ALG9: variants seen among roughly 807,000 people sequenced by gnomAD.
ALG9 encodes alpha-1,2-mannosyltransferase ALG9.
In ALG9, 55 loss-of-function variants were observed where a neutral mutation model predicts 81.8. That is an observed-to-expected ratio of 0.67 (90% CI 0.54 to 0.84). The LOEUF (loss-of-function observed/expected upper bound fraction) is 0.84. Ranked by LOEUF, ALG9 falls within the 40% of genes least tolerant of loss-of-function variation. The probability of loss-of-function intolerance (pLI) is 0.00; values close to 1 mark genes in which losing one functional copy is unlikely to be tolerated. For missense variants in ALG9, 629 were observed against 745.0 expected, an observed-to-expected ratio of 0.84 and a Z score of 1.81; for synonymous variants, 278 against 274.3, an observed-to-expected ratio of 1.01 and a Z score of -0.13.
At position 111,817,603 on chromosome 11, in the gene ALG9, C is replaced by A. The variant is rs190231762; in HGVS notation, c.1603-7830G>T. On this transcript the variant is annotated intron_variant, in intron 13 of 14. Coordinates refer to ENST00000616540, the MANE Select transcript of ALG9 (RefSeq NM_024740.2). The stretch of plus-strand genomic sequence containing the variant: ...AAGTAGCTGGGACAACAGGTGCACA[C>A]CACCACGCCTGGCTAATTTTTTTTG... 1,249 of 152,302 alleles carry A rather than the reference C, an allele frequency of 8.2e-3. 6 individuals are homozygous for A. Among genetic ancestry groups the A allele is most frequent in the Middle Eastern group, 0.051 (15 of 294 alleles). 9.4% of individuals were successfully genotyped at this position (152,302 alleles called of 1,614,324 possible). A position where few individuals can be genotyped will look rare whatever the true frequency, so the allele number is the denominator to read the frequency against.
chr11:111,777,433 G>C (rs1945733705), downstream of ALG9, among the ~76,000 whole-genome samples: 1 of 152,188 alleles, frequency 6.6e-6, no homozygotes, highest in African/African-American at 2.4e-5. Context: ...TTGCTGGAGG[G>C]AAAGGAGGGC....
chr11:111,871,109 A>G (rs879972133), intron 1 of ALG9: 9 of 1,237,628 alleles, frequency 7.3e-6, no homozygotes, highest in Admixed American at 4.5e-5. Context: ...GGCCTGGCCC[A>G]GGAGCATCAC....
At chr11:111,807,686 T>C (rs1353570481) in intron 14 of ALG9, among the ~76,000 whole-genome samples, 1 of 152,138 alleles carries the variant, frequency 6.6e-6, no homozygotes, top group African/African-American at 2.4e-5. Context: ...TCAAAAAAAT[T>C]TGTTAAGGGC....
chr11:111,856,976 G>A (rs779150787), intron 6 of ALG9, among the ~76,000 whole-genome samples: 3 of 152,084 alleles, frequency 2.0e-5, no homozygotes, highest in Non-Finnish European at 2.9e-5. Context: ...GTGTGGTGGC[G>A]CACGCCTGTA....
rs187329893 is a variant in ALG9, at chr11:111,791,980, G to A, written c.1734-5460C>T. On this transcript the variant is annotated intron_variant, in intron 14 of 14. Coordinates refer to ENST00000616540, the MANE Select transcript of ALG9 (RefSeq NM_024740.2). ...CGCCTGTAATCCCAATTATTTGGGA[G>A]GCTGAGGCAGGAGAATCGGTTGAAC... is the stretch of plus-strand genomic sequence containing the variant. Among the ~76,000 whole-genome samples, 385 of 152,332 alleles carry A rather than the reference G, an allele frequency of 2.5e-3. 3 individuals are homozygous for A. The highest frequency in any genetic ancestry group is 8.8e-3 in the African/African-American group (368 of 41,584).
chr11:111,798,082 A>C (rs1948568026), intron 14 of ALG9: 1 of 165,168 alleles, frequency 6.1e-6, no homozygotes, highest in Admixed American at 6.4e-5. Flanking sequence ...CCGTGCCTGC[A>C]GTCCCACCTA....
At chr11:111,871,186 T>C (rs782005862) in intron 1 of ALG9, 166 bp downstream of exon 1, 13 of 1,300,376 alleles carry the variant, frequency 1.0e-5, no homozygotes, top group African/African-American at 1.6e-5. Context: ...GACTGAATGC[T>C]GACCCGCCCA....
chr11:111,819,166 T>A (rs1261446952), intron 13 of ALG9, among the ~76,000 whole-genome samples: 3 of 152,254 alleles, frequency 2.0e-5, no homozygotes, highest in Non-Finnish European at 4.4e-5. Flanking sequence ...GAATGCCATG[T>A]GGGGACAAGG....
rs782272873 is a variant in ALG9, at chr11:111,782,891, C to T, written c.*3506G>A. On this transcript the variant is annotated 3_prime_UTR_variant, in exon 15 of 15. Coordinates refer to ENST00000616540, the MANE Select transcript of ALG9 (RefSeq NM_024740.2). The stretch of plus-strand genomic sequence containing the variant: ...TTAAAACAAAGGGTCTATTTCCAAA[C>T]TTGAATTCGGTAATAAAGAGTATGG... 1.3e-5 allele frequency: 2 copies of T among 152,152 alleles called. No homozygotes were observed. Among genetic ancestry groups the T allele is most frequent in the Non-Finnish European group, 2.9e-5 (2 of 68,026 alleles). The allele number at this position is 152,152 out of a possible 1,614,324, so 9.4% of individuals were successfully genotyped here.
intron 13 of ALG9, among the ~76,000 whole-genome samples, chr11:111,824,620 T>A (rs985472077): frequency 2.6e-5 from 4 of 152,232 alleles, no homozygotes; most frequent in African/African-American, 9.6e-5. Context: ...TGGCAAAACA[T>A]GCTTATAAAA....
intron 10 of ALG9, among the ~76,000 whole-genome samples, chr11:111,839,985 G>C (rs1285196255): frequency 6.6e-6 from 1 of 151,976 alleles, no homozygotes; most frequent in African/African-American, 2.4e-5. Flanking sequence ...AAGGGTACAG[G>C]GTTTTTGATC....
intron 13 of ALG9, among the ~76,000 whole-genome samples, chr11:111,826,968 A>G (rs1490538918): frequency 6.6e-6 from 1 of 152,102 alleles, no homozygotes; most frequent in Non-Finnish European, 1.5e-5. Context: ...CTGACTTTAA[A>G]AATCTCCTTT....
downstream of ALG9, among the ~76,000 whole-genome samples, chr11:111,782,027 TAA>T (rs1226821096): frequency 1.3e-5 from 2 of 152,206 alleles, no homozygotes; most frequent in Non-Finnish European, 2.9e-5. Flanking sequence ...AGTCTTCTTC[TAA>T]AGTTTTCAGA....
At chr11:111,790,447 C>T (rs1361543123) in intron 14 of ALG9, among the ~76,000 whole-genome samples, 1 of 152,014 alleles carries the variant, frequency 6.6e-6, no homozygotes, top group Non-Finnish European at 1.5e-5. Context: ...TGGGCAAACA[C>T]AGCAAAACCG....
chr11:111,809,899 T>C lies in ALG9; in HGVS notation c.1603-126A>G, dbSNP rs547121773. On this transcript the variant is annotated intron_variant, in intron 13 of 14. Coordinates refer to ENST00000616540, the MANE Select transcript of ALG9 (RefSeq NM_024740.2). Reference sequence around the variant, plus strand: ...AACAAACATCCAAGTCTTCAGACAATGTTGCCTATGCTCTCTCCACTCAGA... The same window carrying C: ...AACAAACATCCAAGTCTTCAGACAACGTTGCCTATGCTCTCTCCACTCAGA... 8 of 1,079,766 alleles carry C rather than the reference T, an allele frequency of 7.4e-6. No homozygotes were observed. In the African/African-American group the frequency reaches 7.8e-5, roughly 11 times the overall value. 66.9% of individuals were successfully genotyped at this position (1,079,766 alleles called of 1,614,324 possible).
rs1199372841 is a variant in ALG9 at position 111,782,301 on chromosome 11, T to G, written c.*4096A>C. 1 of 152,318 alleles carries G rather than the reference T, an allele frequency of 6.6e-6. No homozygotes were observed. Among genetic ancestry groups the G allele is most frequent in the Admixed American group, 6.5e-5 (1 of 15,282 alleles). 9.4% of individuals were successfully genotyped at this position (152,318 alleles called of 1,614,324 possible). ...TACAAGGATCAGGAAGACAAGTGAA[T>G]TGGACAATACTCTTGCTTTAACACT... On this transcript the variant is annotated 3_prime_UTR_variant, in exon 15 of 15. Coordinates refer to ENST00000616540, the MANE Select transcript of ALG9 (RefSeq NM_024740.2).
In ALG9 at chr11:111,866,093, G is replaced by A. The variant is rs797024815; in HGVS notation, c.406-842C>T. 5.6e-4 allele frequency among the ~76,000 whole-genome samples: 85 copies of A among 152,134 alleles called. 1 individual carries two copies. Among genetic ancestry groups the A allele is most frequent in the Middle Eastern group, 3.4e-3 (1 of 294 alleles). ...GCGGATCACTTGAGGTCAGGAGTTC[G>A]AGACCAGCCTGGCCAACATGGTGAA... On this transcript the variant is annotated intron_variant, in intron 3 of 14. Coordinates refer to ENST00000616540, the MANE Select transcript of ALG9 (RefSeq NM_024740.2).
downstream of ALG9, among the ~76,000 whole-genome samples, chr11:111,782,017 A>G (rs1945977017): frequency 1.3e-5 from 2 of 152,194 alleles, no homozygotes; most frequent in Non-Finnish European, 2.9e-5. Context: ...GGTTTCCCAA[A>G]GTCTTCTTCT....
chr11:111,804,521 T>G (rs919954051), intron 14 of ALG9, among the ~76,000 whole-genome samples: 3 of 151,908 alleles, frequency 2.0e-5, no homozygotes, highest in African/African-American at 7.3e-5. Context: ...AGCCCAGGAG[T>G]TAGAGGTTAC....
Sources: allele counts gnomAD v4.1 joint callset (sites outside exome capture counted in the v4.1 genomes callset), GRCh38; gene constraint gnomAD v4.1.1; transcripts MANE v1.5; gene names NCBI Gene and HGNC (gene_info 2026-07-23, HGNC 2026-07-21).